Variants in METTL25 observed in about 807,000 individuals in gnomAD.
METTL25 encodes the protein probable methyltransferase-like protein 25.
Under a neutral mutation model 71.6 loss-of-function variants are expected in METTL25, and 64 were observed. That is an observed-to-expected ratio of 0.89 (90% CI 0.73 to 1.10). The LOEUF is 1.10. Among genes scored for constraint, METTL25 ranks in the 50% least tolerant of loss-of-function variants. METTL25 has a pLI of 0.00. For synonymous variants in METTL25, 287 were observed against 250.3 expected, an observed-to-expected ratio of 1.15 and a Z score of -1.38; for missense variants, 807 against 707.0, an observed-to-expected ratio of 1.14 and a Z score of -1.60.
In METTL25 at chr12:82,374,725, C is replaced by G. The variant is rs1883643497; in HGVS notation, c.260-12078C>G. Among the ~76,000 whole-genome samples, 2 of 152,212 alleles carry G rather than the reference C, an allele frequency of 1.3e-5. 1 individual carries two copies. The highest frequency in any genetic ancestry group is 4.1e-4 in the South Asian group (2 of 4,820). ...GAACAGTGTAAGCAAAAGGGTGAAG[C>G]TGGAAAATTATAAAGCATATTTCAG... On this transcript the variant is annotated intron_variant, in intron 1 of 11. Coordinates refer to ENST00000248306, the MANE Select transcript of METTL25 (RefSeq NM_032230.3).
At chr12:82,395,015 C>T (rs1885946692) in intron 3 of METTL25, among the ~76,000 whole-genome samples, 1 of 151,774 alleles carries the variant, frequency 6.6e-6, no homozygotes, top group African/African-American at 2.4e-5. Context: ...GAAGACAGGA[C>T]ATTAAGTTGC....
At chr12:82,393,827 G>A (rs189721809) in intron 3 of METTL25, among the ~76,000 whole-genome samples, 1 of 151,778 alleles carries the variant, frequency 6.6e-6, no homozygotes, top group African/African-American at 2.4e-5. Context: ...TTTTAAAGGT[G>A]TATTGTTAGG....
intron 5 of METTL25, 69 bp downstream of exon 5, chr12:82,403,199 T>A: frequency 6.9e-7 from 1 of 1,451,568 alleles, no homozygotes; most frequent in Non-Finnish European, 9.4e-7. Flanking sequence ...TTCTATTTTC[T>A]ATTTCTCCCC....
At chr12:82,394,319 A>G (rs10862485) in intron 3 of METTL25, among the ~76,000 whole-genome samples, 139,937 of 152,046 alleles carry the variant, frequency 0.92, 64,763 homozygotes, top group East Asian at 1. Context: ...ATATTTTTAA[A>G]ATGCGATTTA....
At chr12:82,447,780 A>C (rs1332140979) in intron 8 of METTL25, among the ~76,000 whole-genome samples, 1 of 152,096 alleles carries the variant, frequency 6.6e-6, no homozygotes, top group African/African-American at 2.4e-5. Flanking sequence ...TTTATGCCTT[A>C]CACATGTTTT....
intron 1 of METTL25, among the ~76,000 whole-genome samples, chr12:82,382,128 A>C (rs1487119764): frequency 2.0e-5 from 3 of 152,234 alleles, no homozygotes; most frequent in Non-Finnish European, 4.4e-5. Flanking sequence ...TTTTGGGAGC[A>C]TGAAAATGTT....
chr12:82,383,964 A>G (rs1453522752), intron 1 of METTL25, among the ~76,000 whole-genome samples: 1 of 152,140 alleles, frequency 6.6e-6, no homozygotes, highest in Non-Finnish European at 1.5e-5. Flanking sequence ...CAATTAGCCT[A>G]TCTTTTAAGA....
At chr12:82,458,123 C>T (rs1030862750) in intron 9 of METTL25, among the ~76,000 whole-genome samples, 2 of 151,956 alleles carry the variant, frequency 1.3e-5, no homozygotes, top group African/African-American at 4.8e-5. Flanking sequence ...ATAATAACCA[C>T]AGCAAATGTT....
chr12:82,422,374 A>G (rs1305518334), intron 5 of METTL25, among the ~76,000 whole-genome samples: 2 of 152,156 alleles, frequency 1.3e-5, no homozygotes, highest in African/African-American at 2.4e-5. Context: ...CTCTCAATAA[A>G]TTAGGTATTG....
At chr12:82,425,276 C>T (rs1269213554) in intron 5 of METTL25, among the ~76,000 whole-genome samples, 2 of 151,976 alleles carry the variant, frequency 1.3e-5, no homozygotes, top group Non-Finnish European at 2.9e-5. Context: ...TAGGTTTATA[C>T]CTATTACATC....
In METTL25 at chr12:82,392,183, C is replaced by A. The variant is rs543413095; in HGVS notation, c.531+2261C>A. 2.0e-5 allele frequency among the ~76,000 whole-genome samples: 3 copies of A among 149,506 alleles called. No homozygotes were observed. In the East Asian group the frequency reaches 5.9e-4, roughly 30 times the overall value. On this transcript the variant is annotated intron_variant, in intron 3 of 11. Transcript: ENST00000248306. The stretch of plus-strand genomic sequence containing the variant: ...GGTTAGTTACATATGTATACATGTG[C>A]CATGCTGGTGCGCTGCACCCACTAA...
At position 82,399,294 on chromosome 12, in the gene METTL25, G is replaced by A. The variant is rs778978154; in HGVS notation, c.1031G>A (p.Arg344Lys). The change falls in exon 4 of 12, where the codon AGA becomes AAA. Residue 344 changes from arginine to lysine, a missense_variant. Transcript: ENST00000248306. Reference sequence around the variant, plus strand: ...ACATCTGAAGCCAATAAAGAGAGAAGAAAAATGACATCAAAGTCAAGTGAA... The same window carrying A: ...ACATCTGAAGCCAATAAAGAGAGAAAAAAAATGACATCAAAGTCAAGTGAA... Reference protein sequence around the residue: ...RETSEANKERRKMTSKSSESN... With the variant: ...RETSEANKERKKMTSKSSESN... The A allele has an allele frequency of 6.2e-7, 1 of 1,613,362 alleles. No individual in the cohort carries two copies. Among genetic ancestry groups the A allele is most frequent in the Non-Finnish European group, 8.5e-7 (1 of 1,179,648 alleles).
At chr12:82,456,661 T>C in intron 8 of METTL25, 66 bp from the exon 9 acceptor site, 3 of 823,166 alleles carry the variant, frequency 3.6e-6, no homozygotes, top group East Asian at 2.7e-5. Context: ...TATTTCATGA[T>C]TGAAATTAAA....
At chr12:82,463,992 G>T (rs922755546) in intron 9 of METTL25, among the ~76,000 whole-genome samples, 6 of 151,682 alleles carry the variant, frequency 4.0e-5, no homozygotes, top group Non-Finnish European at 8.9e-5. Flanking sequence ...TGAGTTCCTT[G>T]TATATTCTCG....
At chr12:82,389,478 A>G (rs1325120607) in intron 2 of METTL25, among the ~76,000 whole-genome samples, 6 of 151,976 alleles carry the variant, frequency 3.9e-5, no homozygotes, top group Admixed American at 2.6e-4. Context: ...TTCTCTGTAG[A>G]TATATGTGTT....
rs755305986 is a variant in METTL25 at position 82,430,885 on chromosome 12, A to G, written c.1280-8A>G. 2 of 1,477,928 alleles carry G rather than the reference A, an allele frequency of 1.4e-6. No homozygotes were observed. The highest frequency in any genetic ancestry group is 1.9e-6 in the Non-Finnish European group (2 of 1,070,892). The allele number at this position is 1,477,928 out of a possible 1,614,324, so 91.6% of individuals were successfully genotyped here. On this transcript the variant is annotated splice_polypyrimidine_tract_variant and splice_region_variant and intron_variant, in intron 5 of 11. Transcript: ENST00000248306. ...TTTAAATAATCCGTATTTTTCCCCCATCTGCAGAACGTACTCAGGAAAAGT... is the reference window on the plus strand; with the variant it reads ...TTTAAATAATCCGTATTTTTCCCCCGTCTGCAGAACGTACTCAGGAAAAGT...
chr12:82,438,626 C>T, intron 7 of METTL25, 92 bp from the exon 8 acceptor site: 1 of 676,592 alleles, frequency 1.5e-6, no homozygotes. Context: ...ACAAAGGTTT[C>T]TGACAGTCAC....
At chr12:82,388,601 T>C (rs555614233) in intron 2 of METTL25, among the ~76,000 whole-genome samples, 1 of 152,058 alleles carries the variant, frequency 6.6e-6, no homozygotes, top group East Asian at 1.9e-4. Flanking sequence ...GGGCCACAGT[T>C]TGGGCATCAA....
At position 82,430,933 on chromosome 12, in the gene METTL25, T is replaced by C. The variant is rs1166238700; in HGVS notation, c.1320T>C (p.Tyr440=). The change falls in exon 6 of 12, where the codon TAT becomes TAC. Residue 440 remains tyrosine (Y), a synonymous_variant. Coordinates refer to ENST00000248306, the MANE Select transcript of METTL25 (RefSeq NM_032230.3). ...QEKWGFPMCH[Y]LKEERWCCGR... ...AGTGGGGATTTCCAATGTGCCACTATTTAAAGGAAGAGAGATGGTGCTGTG... is the reference window on the plus strand; with the variant it reads ...AGTGGGGATTTCCAATGTGCCACTACTTAAAGGAAGAGAGATGGTGCTGTG... 4 of 1,602,890 alleles carry C rather than the reference T, an allele frequency of 2.5e-6. No homozygotes were observed. The highest frequency in any genetic ancestry group is 2.6e-6 in the Non-Finnish European group (3 of 1,173,440).
Sources: gnomAD v4.1 joint callset for allele counts (sites outside exome capture counted in the v4.1 genomes callset) on GRCh38, gnomAD v4.1.1 for gene constraint, MANE v1.5 for transcripts, NCBI Gene and HGNC (gene_info 2026-07-23, HGNC 2026-07-21) for gene names.